Variants in ZMAT4 observed in about 807,000 individuals in gnomAD.
The protein encoded by ZMAT4 is zinc finger matrin-type 4.
A neutral mutation model predicts 28.7 loss-of-function variants in ZMAT4; 17 were observed. The observed-to-expected ratio is 0.59, with a 90% CI of 0.41 to 0.89. ZMAT4 has a LOEUF of 0.89. Ranked by LOEUF, ZMAT4 falls within the 40% of genes least tolerant of loss-of-function variation. The pLI is 0.00. For synonymous variants in ZMAT4, 117 were observed against 109.2 expected, an observed-to-expected ratio of 1.07 and a Z score of -0.44; for missense variants, 240 against 283.8, an observed-to-expected ratio of 0.85 and a Z score of 1.11.
At chr8:40,622,949 A>G (rs1806250914) in intron 5 of ZMAT4, among the ~76,000 whole-genome samples, 1 of 152,230 alleles carries the variant, frequency 6.6e-6, no homozygotes, top group Non-Finnish European at 1.5e-5. Flanking sequence ...TCAGGAATTT[A>G]AGGCCAACTC....
intron 6 of ZMAT4, among the ~76,000 whole-genome samples, chr8:40,547,696 C>T (rs1293875828): frequency 6.6e-6 from 1 of 152,040 alleles, no homozygotes; most frequent in Admixed American, 6.6e-5. Context: ...TTACACATGC[C>T]ACGGTGGTTT....
chr8:40,685,181 C>A (rs1292719815), intron 4 of ZMAT4, among the ~76,000 whole-genome samples: 1 of 152,144 alleles, frequency 6.6e-6, no homozygotes, highest in African/African-American at 2.4e-5. Context: ...TTCTTGAGAT[C>A]AGATGTAAGG....
chr8:40,891,353 A>G, intron 1 of ZMAT4, among the ~76,000 whole-genome samples: 1 of 145,074 alleles, frequency 6.9e-6, no homozygotes, highest in Non-Finnish European at 1.5e-5. Flanking sequence ...CACGTTGGCC[A>G]CCCTGCCTGG....
rs1022022470 is a variant in ZMAT4 at position 40,674,640 on chromosome 8, T to G, written c.577+64A>C. ...CAAGAAGAAGAATCATTCCGATTTG[T>G]GAAAGCCGCATCTTTTCTCTGAAAG... On this transcript the variant is annotated intron_variant, in intron 5 of 6. Transcript: ENST00000297737. 3.0e-6 allele frequency: 4 copies of G among 1,319,858 alleles called. No individual in the cohort carries two copies. The African/African-American group carries it at 5.8e-5, about 19-fold the overall frequency. 81.8% of individuals were successfully genotyped at this position (1,319,858 alleles called of 1,614,324 possible). A position where few individuals can be genotyped will look rare whatever the true frequency, so the allele number is the denominator to read the frequency against.
chr8:40,577,531 A>T (rs1269297628), intron 6 of ZMAT4, among the ~76,000 whole-genome samples: 1 of 152,124 alleles, frequency 6.6e-6, no homozygotes, highest in Non-Finnish European at 1.5e-5. Context: ...ATAGTGGGAG[A>T]GGGGAGAGGA....
At chr8:40,844,329 C>T (rs1234666614) in intron 1 of ZMAT4, among the ~76,000 whole-genome samples, 2 of 152,142 alleles carry the variant, frequency 1.3e-5, no homozygotes, top group Non-Finnish European at 2.9e-5. Context: ...ATCACCTCCA[C>T]CAATGAGGAT....
At chr8:40,728,794 G>A (rs759136265) in intron 3 of ZMAT4, among the ~76,000 whole-genome samples, 2 of 152,104 alleles carry the variant, frequency 1.3e-5, no homozygotes, top group Non-Finnish European at 2.9e-5. Context: ...AGAACAAGAC[G>A]CCAACCATTT....
Position 40,532,223 on chromosome 8 carries a change from C to T in ZMAT4, c.690G>A (p.Ter230=). The part of the protein sequence containing the change: ...SKHQTNLKNK[*] The stretch of plus-strand genomic sequence containing the variant: ...TCTTATGTCTTGATTGATGCTTTCA[C>T]TACTTATTCTTCAGGCTATAAGACA... Residue 230 remains the stop codon, a stop_retained_variant, in exon 7 of 7, where the codon TAG becomes TAA. Transcript: ENST00000297737. The T allele has an allele frequency of 6.3e-7, 1 of 1,598,588 alleles. No homozygotes were observed. The highest frequency in any genetic ancestry group is 1.7e-5 in the Admixed American group (1 of 57,892).
chr8:40,653,020 A>T (rs907573184), intron 5 of ZMAT4, among the ~76,000 whole-genome samples: 1 of 151,902 alleles, frequency 6.6e-6, no homozygotes, highest in Non-Finnish European at 1.5e-5. Flanking sequence ...CCAGCATGGC[A>T]CATGTATACA....
chr8:40,588,381 T>C (rs1443964791), intron 5 of ZMAT4, among the ~76,000 whole-genome samples: 1 of 152,050 alleles, frequency 6.6e-6, no homozygotes, highest in Non-Finnish European at 1.5e-5. Context: ...ATGTATCTGA[T>C]ACAGAACTTG....
intron 1 of ZMAT4, among the ~76,000 whole-genome samples, chr8:40,847,668 C>T (rs1298271139): frequency 6.6e-6 from 1 of 152,186 alleles, no homozygotes; most frequent in Non-Finnish European, 1.5e-5. Context: ...TCACAGACTG[C>T]TTTCCCAAGG....
chr8:40,590,676 ATTAC>A (rs1309786594), intron 5 of ZMAT4, among the ~76,000 whole-genome samples: 2 of 151,500 alleles, frequency 1.3e-5, no homozygotes, highest in Non-Finnish European at 2.9e-5. Flanking sequence ...CTTGTGCACT[ATTAC>A]TTCTATCAAT....
At chr8:40,559,675 T>C (rs1358330238) in intron 6 of ZMAT4, among the ~76,000 whole-genome samples, 5 of 152,034 alleles carry the variant, frequency 3.3e-5, no homozygotes, top group Admixed American at 2.6e-4. Context: ...ATTTTTCAGT[T>C]GACTCAGTGG....
At chr8:40,801,114 AC>A (rs1172381749) in intron 2 of ZMAT4, among the ~76,000 whole-genome samples, 1 of 151,724 alleles carries the variant, frequency 6.6e-6, no homozygotes, top group Non-Finnish European at 1.5e-5. Flanking sequence ...AAATTTAATA[AC>A]CTAGATGAAA....
chr8:40,778,200 A>G (rs1813686700), intron 2 of ZMAT4, among the ~76,000 whole-genome samples: 1 of 152,220 alleles, frequency 6.6e-6, no homozygotes, highest in Non-Finnish European at 1.5e-5. Flanking sequence ...ATCAAATTAT[A>G]TTTTAAAAGT....
chr8:40,690,197 C>A (rs890777485), intron 4 of ZMAT4, among the ~76,000 whole-genome samples: 2 of 152,182 alleles, frequency 1.3e-5, no homozygotes, highest in African/African-American at 4.8e-5. Context: ...GACTAACAGG[C>A]ATGGTTTCTC....
intron 1 of ZMAT4, among the ~76,000 whole-genome samples, chr8:40,857,613 G>A (rs4260882): frequency 6.6e-6 from 1 of 152,160 alleles, no homozygotes; most frequent in Non-Finnish European, 1.5e-5. Flanking sequence ...AAACTGTTTA[G>A]AAACTTTTTG....
At chr8:40,734,816 A>G (rs1287245272) in intron 3 of ZMAT4, among the ~76,000 whole-genome samples, 2 of 152,248 alleles carry the variant, frequency 1.3e-5, no homozygotes, top group Non-Finnish European at 2.9e-5. Context: ...AGAAAAAATT[A>G]TATGATTGGA....
chr8:40,802,957 GCAACA>G (rs1365650556), intron 2 of ZMAT4, among the ~76,000 whole-genome samples: 1 of 152,074 alleles, frequency 6.6e-6, no homozygotes, highest in Non-Finnish European at 1.5e-5. Context: ...ATGAGCAAAG[GCAACA>G]CAATGAAGAA....
Sources: gnomAD v4.1 joint callset for allele counts (sites outside exome capture counted in the v4.1 genomes callset) on GRCh38, gnomAD v4.1.1 for gene constraint, MANE v1.5 for transcripts, NCBI Gene and HGNC (gene_info 2026-07-23, HGNC 2026-07-21) for gene names.